DIS3L2: variants seen among roughly 807,000 people sequenced by gnomAD.
DIS3L2 encodes the protein DIS3-like exonuclease 2.
DIS3L2 carries 34 observed loss-of-function variants against 97.5 expected under a neutral mutation model. The ratio of observed to expected loss-of-function variants is 0.35; its 90% CI spans 0.27 to 0.46. DIS3L2 has a LOEUF of 0.46. Ranked by LOEUF, DIS3L2 falls within the 20% of genes least tolerant of loss-of-function variation. The pLI is 1.00. For synonymous variants in DIS3L2, 435 were observed against 445.2 expected (o/e 0.98, Z 0.29); for missense variants, 1,038 against 1,146.0 (o/e 0.91, Z 1.36).
intron 8 of DIS3L2, among the ~76,000 whole-genome samples, chr2:232,154,717 G>T (rs1690429561): frequency 6.7e-6 from 1 of 149,130 alleles, no homozygotes; most frequent in Non-Finnish European, 1.5e-5. Flanking sequence ...TCCTTGAGCT[G>T]TGGTGGGCTG....
chr2:232,223,954 G>A (rs1692573655), intron 10 of DIS3L2, among the ~76,000 whole-genome samples: 1 of 152,096 alleles, frequency 6.6e-6, no homozygotes, highest in Non-Finnish European at 1.5e-5. Context: ...TGGATGTGGT[G>A]GTGCACGTCT....
chr2:232,054,944 G>T (rs1237947700), intron 5 of DIS3L2, among the ~76,000 whole-genome samples: 2 of 152,132 alleles, frequency 1.3e-5, no homozygotes, highest in African/African-American at 4.8e-5. Flanking sequence ...TGTAAGATTG[G>T]AGGATTACTA....
chr2:232,049,307 A>G (rs889839830), intron 5 of DIS3L2, among the ~76,000 whole-genome samples: 15 of 152,216 alleles, frequency 9.9e-5, no homozygotes, highest in Non-Finnish European at 1.9e-4. Context: ...AAATTATTCA[A>G]ATGGATTCTT....
At chr2:232,329,789 T>TGC in intron 14 of DIS3L2, 24 bp from the exon 15 acceptor site, 19 of 368,612 alleles carry the variant, frequency 5.2e-5, no homozygotes, top group South Asian at 1.1e-4. Flanking sequence ...CAGCGGTCCC[T>TGC]CCCATCCCAC....
intron 5 of DIS3L2, among the ~76,000 whole-genome samples, chr2:232,048,165 A>G (rs903577282): frequency 2.6e-5 from 4 of 152,218 alleles, no homozygotes; most frequent in African/African-American, 9.6e-5. Context: ...TACTGTCCCC[A>G]AACTTTTCTG....
At chr2:232,024,459 G>A (rs1694604694) in intron 4 of DIS3L2, 129 bp downstream of exon 4, 1 of 736,418 alleles carries the variant, frequency 1.4e-6, no homozygotes, top group African/African-American at 1.9e-5. Flanking sequence ...GCAAAGATTT[G>A]TTTCAAATTT....
At chr2:232,258,663 T>C (rs553657214) in intron 12 of DIS3L2, among the ~76,000 whole-genome samples, 5 of 152,194 alleles carry the variant, frequency 3.3e-5, no homozygotes, top group African/African-American at 1.2e-4. Context: ...GTGTTTTGTT[T>C]CTGAAGCTCT....
chr2:232,337,486 A>G (rs1378647016), downstream of DIS3L2, among the ~76,000 whole-genome samples: 13 of 151,938 alleles, frequency 8.6e-5, no homozygotes, highest in Admixed American at 4.6e-4. Context: ...AGGAGGGGAA[A>G]CTGGCTGCTG....
At chr2:232,085,759 G>A (rs1247816300) in intron 5 of DIS3L2, among the ~76,000 whole-genome samples, 1 of 152,070 alleles carries the variant, frequency 6.6e-6, no homozygotes, top group Non-Finnish European at 1.5e-5. Context: ...TGCTGTATGT[G>A]ACAAACTCAT....
In DIS3L2 at chr2:232,249,280, C is replaced by T. The variant is rs1332987158; in HGVS notation, c.1359C>T (p.Cys453=). The part of the protein sequence containing the change: ...MLPRLLCEEL[C]SLNPMSDKLT... ...CCAGGCTGCTGTGTGAGGAGCTGTG[C>T]AGCCTCAACCCCATGTCCGACAAGC... Residue 453 remains cysteine, a synonymous_variant, in exon 12 of 21, where the codon TGC becomes TGT. Transcript: ENST00000325385. 1.2e-6 allele frequency: 2 copies of T among 1,614,182 alleles called. No individual in the cohort carries two copies. The highest frequency in any genetic ancestry group is 2.2e-5 in the East Asian group (1 of 44,890).
chr2:232,163,136 T>C (rs924795415), intron 8 of DIS3L2, among the ~76,000 whole-genome samples: 2 of 152,204 alleles, frequency 1.3e-5, no homozygotes, highest in African/African-American at 4.8e-5. Context: ...AATAGCACAC[T>C]GGATTGATCA....
intron 13 of DIS3L2, among the ~76,000 whole-genome samples, chr2:232,299,676 C>T (rs1263306389): frequency 2.0e-5 from 3 of 152,242 alleles, no homozygotes; most frequent in Non-Finnish European, 4.4e-5. Flanking sequence ...CACATATATG[C>T]ACATTCATTG....
chr2:232,107,517 G>C (rs1423125797), intron 6 of DIS3L2, among the ~76,000 whole-genome samples: 1 of 152,116 alleles, frequency 6.6e-6, no homozygotes, highest in Non-Finnish European at 1.5e-5. Flanking sequence ...TGGCCAACAT[G>C]GTGAAACCCC....
At chr2:232,220,195 G>A (rs1344649440) in intron 10 of DIS3L2, among the ~76,000 whole-genome samples, 3 of 152,026 alleles carry the variant, frequency 2.0e-5, no homozygotes, top group African/African-American at 7.2e-5. Flanking sequence ...TGTAGTCCTA[G>A]CCACGTGGGA....
intron 19 of DIS3L2, chr2:232,335,404 A>C (rs1359753490): frequency 3.9e-6 from 1 of 257,226 alleles, no homozygotes; most frequent in Non-Finnish European, 7.6e-6. Context: ...GTTCAAGCCT[A>C]GCTCACCCTG....
At chr2:232,140,583 G>A (rs1056659035) in intron 8 of DIS3L2, among the ~76,000 whole-genome samples, 1 of 152,158 alleles carries the variant, frequency 6.6e-6, no homozygotes. Flanking sequence ...GGTGGAGAAC[G>A]CCAAATTGAG....
intron 13 of DIS3L2, among the ~76,000 whole-genome samples, chr2:232,266,991 G>A (rs1285666371): frequency 1.3e-5 from 2 of 152,130 alleles, no homozygotes; most frequent in African/African-American, 2.4e-5. Context: ...CTGAGTGTGC[G>A]GCACTAGTAT....
chr2:231,967,303 G>T (rs1286339350), intron 1 of DIS3L2, among the ~76,000 whole-genome samples: 1 of 152,088 alleles, frequency 6.6e-6, no homozygotes, highest in African/African-American at 2.4e-5. Context: ...TTCCTTTTTG[G>T]TCCTCCTCTA....
intron 6 of DIS3L2, among the ~76,000 whole-genome samples, chr2:232,100,847 A>T (rs907137752): frequency 3.4e-5 from 5 of 148,256 alleles, no homozygotes; most frequent in African/African-American, 1.2e-4. Flanking sequence ...ATCTCCACAA[A>T]TTTGATTTAT....
Sources: gnomAD v4.1 joint callset for allele counts (sites outside exome capture counted in the v4.1 genomes callset) on GRCh38, gnomAD v4.1.1 for gene constraint, MANE v1.5 for transcripts, NCBI Gene and HGNC (gene_info 2026-07-23, HGNC 2026-07-21) for gene names.